KCTD3: variants seen among roughly 807,000 people sequenced by gnomAD.
KCTD3 encodes BTB/POZ domain-containing protein KCTD3.
A neutral mutation model predicts 85.8 loss-of-function variants in KCTD3; 41 were observed. That is an observed-to-expected ratio of 0.48 (90% confidence interval 0.37 to 0.62). KCTD3 has a LOEUF of 0.62. Ranked by LOEUF, KCTD3 falls within the 20% of genes least tolerant of loss-of-function variation. The pLI, the probability that KCTD3 is intolerant of heterozygous loss-of-function variation, is 0.00. For synonymous variants in KCTD3, 338 were observed against 345.4 expected (o/e 0.98, Z 0.24); for missense variants, 724 against 989.9 (o/e 0.73, Z 3.60).
chr1:215,568,454 T>C (rs1659230793), intron 1 of KCTD3, among the ~76,000 whole-genome samples: 1 of 137,706 alleles, frequency 7.3e-6, no homozygotes, highest in Admixed American at 7.7e-5. Context: ...GACTGAATGC[T>C]CTTCTCTGTC....
At chr1:215,568,589 A>G (rs1395136589) in intron 1 of KCTD3, among the ~76,000 whole-genome samples, 1 of 146,906 alleles carries the variant, frequency 6.8e-6, no homozygotes, top group Non-Finnish European at 1.5e-5. Context: ...CTCCTCTCAG[A>G]AAAGGGAGTT....
chr1:215,611,736 T>A, intron 14 of KCTD3, 89 bp from the exon 15 acceptor site: 1 of 818,646 alleles, frequency 1.2e-6, no homozygotes, highest in Non-Finnish European at 1.9e-6. Context: ...AAGAAATTCT[T>A]TTCTTATATT....
rs773317291 is a variant in KCTD3, at chr1:215,601,852, C to T, written c.934-15C>T. ...AATTACTATCTAACATCTGATAATACTCTCACTACATCAGGTTCAAGATGT... is the reference window on the plus strand; with the variant it reads ...AATTACTATCTAACATCTGATAATATTCTCACTACATCAGGTTCAAGATGT... On this transcript the variant is annotated splice_polypyrimidine_tract_variant and intron_variant, in intron 10 of 17. Transcript: ENST00000259154. 8 of 1,364,832 alleles carry T rather than the reference C, an allele frequency of 5.9e-6. No individual in the cohort carries two copies. Among genetic ancestry groups the T allele is most frequent in the East Asian group, 2.3e-5 (1 of 43,472 alleles). The allele number at this position is 1,364,832 out of a possible 1,614,324, so 84.5% of individuals were successfully genotyped here. A position where few individuals can be genotyped will look rare whatever the true frequency, so the allele number is the denominator to read the frequency against.
chr1:215,609,536 G>C (rs1213713770), intron 14 of KCTD3, among the ~76,000 whole-genome samples: 3 of 151,882 alleles, frequency 2.0e-5, no homozygotes, highest in African/African-American at 7.2e-5. Flanking sequence ...TACTAGATTT[G>C]TGATATATAT....
chr1:215,614,965 T>A (rs923198008), intron 15 of KCTD3, among the ~76,000 whole-genome samples: 2 of 152,206 alleles, frequency 1.3e-5, no homozygotes, highest in African/African-American at 2.4e-5. Flanking sequence ...CATAACATTC[T>A]CTAACAATGT....
At chr1:215,570,485 A>G (rs1026302146) in intron 1 of KCTD3, among the ~76,000 whole-genome samples, 1 of 152,184 alleles carries the variant, frequency 6.6e-6, no homozygotes, top group Non-Finnish European at 1.5e-5. Context: ...GGGACTAGCC[A>G]TTGAGGACTC....
intron 9 of KCTD3, among the ~76,000 whole-genome samples, chr1:215,587,962 G>A (rs1261228930): frequency 6.6e-6 from 1 of 152,136 alleles, no homozygotes; most frequent in Non-Finnish European, 1.5e-5. Flanking sequence ...AAAAAAAATT[G>A]CATTCATTGG....
At chr1:215,571,867 G>A (rs978977548) in intron 1 of KCTD3, among the ~76,000 whole-genome samples, 1 of 152,178 alleles carries the variant, frequency 6.6e-6, no homozygotes, top group Non-Finnish European at 1.5e-5. Context: ...TGCTGACCTC[G>A]TGATCTGCCC....
In KCTD3 at chr1:215,579,101, G is replaced by C. The variant is rs1482871444; in HGVS notation, c.499G>C (p.Val167Leu). 2 of 1,609,052 alleles carry C rather than the reference G, an allele frequency of 1.2e-6. No individual in the cohort carries two copies. The highest frequency in any genetic ancestry group is 1.7e-6 in the Non-Finnish European group (2 of 1,178,268). Residue 167 changes from valine (V) to leucine (L), a missense_variant, in exon 7 of 18, where the codon GTT becomes CTT. Physicochemically the swap from Val to Leu is conservative, Grantham distance 32. Transcript: ENST00000259154. ...GEARGNGTQP[V>L]LSGTGEETVR... ...AGCCCGGGGAAATGGTACACAGCCT[G>C]TTCTCTCTGGAACGGGAGAAGAAAC...
intron 15 of KCTD3, among the ~76,000 whole-genome samples, chr1:215,614,214 G>A (rs1308027622): frequency 6.6e-6 from 1 of 151,574 alleles, no homozygotes; most frequent in Admixed American, 6.6e-5. Context: ...TGCATCTTTA[G>A]TAGAGACGGG....
At chr1:215,613,144 G>A (rs961882032) in intron 15 of KCTD3, among the ~76,000 whole-genome samples, 10 of 152,050 alleles carry the variant, frequency 6.6e-5, no homozygotes, top group African/African-American at 2.2e-4. Context: ...AAAGTTACAG[G>A]GAAAAAGTTT....
chr1:215,571,414 C>T (rs886989582), intron 1 of KCTD3, among the ~76,000 whole-genome samples: 2 of 152,106 alleles, frequency 1.3e-5, no homozygotes, highest in Non-Finnish European at 2.9e-5. Flanking sequence ...GATAAATGGG[C>T]GTAGGAACTG....
At chr1:215,589,071 A>G (rs1660122817) in intron 9 of KCTD3, among the ~76,000 whole-genome samples, 1 of 152,194 alleles carries the variant, frequency 6.6e-6, no homozygotes, top group African/African-American at 2.4e-5. Context: ...TCTATACCAA[A>G]CAATTTCTGG....
intron 4 of KCTD3, 48 bp from the exon 5 acceptor site, chr1:215,577,622 A>G: frequency 1.6e-6 from 2 of 1,216,160 alleles, no homozygotes; most frequent in Admixed American, 1.7e-5. Flanking sequence ...TCAGATGATA[A>G]TACAGGTTTC....
intron 7 of KCTD3, among the ~76,000 whole-genome samples, chr1:215,579,403 G>C (rs1659715568): frequency 6.6e-6 from 1 of 152,094 alleles, no homozygotes; most frequent in Non-Finnish European, 1.5e-5. Flanking sequence ...TGTGGGCCAC[G>C]TGTTCTCTGT....
intron 9 of KCTD3, among the ~76,000 whole-genome samples, chr1:215,592,651 GT>G (rs1660267893): frequency 6.6e-6 from 1 of 152,108 alleles, no homozygotes; most frequent in Non-Finnish European, 1.5e-5. Context: ...TTATGAGCTG[GT>G]ACAATAGTAA....
At chr1:215,597,255 A>C (rs1260309224) in intron 10 of KCTD3, among the ~76,000 whole-genome samples, 1 of 151,582 alleles carries the variant, frequency 6.6e-6, no homozygotes. Context: ...GAAATGTTTC[A>C]GTTTCTTGTT....
intron 15 of KCTD3, among the ~76,000 whole-genome samples, chr1:215,614,637 T>C (rs927364617): frequency 1.3e-5 from 2 of 152,206 alleles, no homozygotes; most frequent in Non-Finnish European, 2.9e-5. Flanking sequence ...AATTGGTGTA[T>C]AGAAATGCTA....
chr1:215,586,434 G>A, intron 8 of KCTD3, 61 bp from the exon 9 acceptor site: 1 of 1,307,972 alleles, frequency 7.6e-7, no homozygotes, highest in East Asian at 2.4e-5. Context: ...GTGCATTGAT[G>A]TGTATTCCGT....
Sources: gnomAD v4.1 joint callset for allele counts (sites outside exome capture counted in the v4.1 genomes callset) on GRCh38, gnomAD v4.1.1 for gene constraint, MANE v1.5 for transcripts, NCBI Gene and HGNC (gene_info 2026-07-23, HGNC 2026-07-21) for gene names.